MAP3K9: variants seen among roughly 807,000 people sequenced by gnomAD.
The protein encoded by MAP3K9 is mitogen-activated protein kinase kinase kinase 9, also known as mixed lineage kinase 1 (tyr and ser/thr specificity).
A neutral mutation model predicts 95.8 loss-of-function variants in MAP3K9; 46 were observed. The ratio of observed to expected loss-of-function variants is 0.48; its 90% confidence interval spans 0.38 to 0.61. The LOEUF (loss-of-function observed/expected upper bound fraction) is 0.61, where lower values mean the gene tolerates loss of function less well. Among genes scored for constraint, MAP3K9 ranks in the 20% least tolerant of loss-of-function variants. The pLI, the probability that MAP3K9 is intolerant of heterozygous loss-of-function variation, is 0.00. For missense variants in MAP3K9, 1,296 were observed against 1,474.3 expected (o/e 0.88, Z 1.98); for synonymous variants, 533 against 593.8 (o/e 0.90, Z 1.49).
Position 70,730,651 on chromosome 14 carries a change from G to A in MAP3K9, c.3044C>T (p.Ala1015Val). 6.2e-7 allele frequency: 1 copy of A among 1,613,774 alleles called. No individual in the cohort carries two copies. The highest frequency in any genetic ancestry group is 8.5e-7 in the Non-Finnish European group (1 of 1,180,044). The part of the protein sequence containing the change: ...DPWWFVSPSH[A>V]RSTSPANSSS... ...GCTGTTGGCTGGGGAGGTGCTGCGG[G>A]CATGGCTGGGGGACACAAACCACCA... is the stretch of plus-strand genomic sequence containing the variant. The change falls in exon 12 of 12, where the codon GCC (alanine) becomes GTC (valine). Residue 1015 changes from alanine to valine, a missense_variant. Physicochemically the swap from Ala to Val is moderately conservative, Grantham distance 64. Around this residue, in one of 5 missense-constraint regions of MAP3K9, gnomAD observed 433 missense variants for 441.4 expected, o/e 0.98. Transcript: ENST00000554752.
chr14:70,779,994 G>A (rs1439757026), intron 2 of MAP3K9, among the ~76,000 whole-genome samples: 1 of 152,234 alleles, frequency 6.6e-6, no homozygotes, highest in African/African-American at 2.4e-5. Context: ...CCTTCAGACA[G>A]GCACCCAGGC....
chr14:70,766,454 A>C (rs1437539305), intron 2 of MAP3K9, among the ~76,000 whole-genome samples: 1 of 152,210 alleles, frequency 6.6e-6, no homozygotes, highest in Non-Finnish European at 1.5e-5. Context: ...AGGGACTGAT[A>C]TGGAAGGCCT....
chr14:70,748,295 GGCCACCAAAACAAAAAA>G (rs1008644735), intron 5 of MAP3K9, among the ~76,000 whole-genome samples: 13 of 152,186 alleles, frequency 8.5e-5, no homozygotes, highest in African/African-American at 3.1e-4. Flanking sequence ...TTTAGGGAAT[GGCCACCAAAACAAAAAA>G]GCAGATCTCT....
At chr14:70,775,605 A>T (rs2054587530) in intron 2 of MAP3K9, among the ~76,000 whole-genome samples, 1 of 152,220 alleles carries the variant, frequency 6.6e-6, no homozygotes, top group Admixed American at 6.5e-5. Context: ...ACACTACTGA[A>T]CACAGAGCCC....
Position 70,726,451 on chromosome 14 carries a change from A to T in MAP3K9, c.*3929T>A, listed in dbSNP as rs1209848793. ...GACCCCAAGAAATGAGAGACAGCCA[A>T]CTGTCACTCTGATGTTGCTACCAAC... is the stretch of plus-strand genomic sequence containing the variant. On this transcript the variant is annotated 3_prime_UTR_variant, in exon 12 of 12. Coordinates refer to ENST00000554752, the MANE Select transcript of MAP3K9 (RefSeq NM_001284230.2). 2 of 152,222 alleles carry T rather than the reference A, an allele frequency of 1.3e-5. No individual in the cohort carries two copies. Among genetic ancestry groups the T allele is most frequent in the African/African-American group, 4.8e-5 (2 of 41,454 alleles). 9.4% of individuals were successfully genotyped at this position (152,222 alleles called of 1,614,324 possible).
rs1343585173 is a variant in MAP3K9 at position 70,783,471 on chromosome 14, C to A, written c.820+17196G>T. 11 of 901,542 alleles carry A rather than the reference C, an allele frequency of 1.2e-5. No individual in the cohort carries two copies. In the Admixed American group the frequency reaches 2.5e-4, roughly 20 times the overall value. 55.8% of individuals were successfully genotyped at this position (901,542 alleles called of 1,614,324 possible). ...AGCTCCTGAAGGATTCACTCTTTGT[C>A]CCCTCCCCTTTCCTCCCATCACAAA... On this transcript the variant is annotated intron_variant, in intron 2 of 11. Coordinates refer to ENST00000554752, the MANE Select transcript of MAP3K9 (RefSeq NM_001284230.2).
At chr14:70,795,837 C>T (rs1221790485) in intron 2 of MAP3K9, among the ~76,000 whole-genome samples, 2 of 151,848 alleles carry the variant, frequency 1.3e-5, no homozygotes, top group Non-Finnish European at 2.9e-5. Flanking sequence ...TAGCTCACCG[C>T]AATCTCTGCC....
In MAP3K9 at chr14:70,758,440, T is replaced by C. The variant is rs141939509; in HGVS notation, c.1001+2562A>G. Among the ~76,000 whole-genome samples the C allele has an allele frequency of 1.2e-4, 18 of 152,338 alleles. 1 individual carries two copies. In the East Asian group the frequency reaches 3.3e-3, roughly 28 times the overall value. The stretch of plus-strand genomic sequence containing the variant: ...TGGTGAAATTGGAACATTCATACAT[T>C]GCTAACGGGAATATAATAAAATGGT... On this transcript the variant is annotated intron_variant, in intron 3 of 11. Coordinates refer to ENST00000554752, the MANE Select transcript of MAP3K9 (RefSeq NM_001284230.2).
intron 2 of MAP3K9, among the ~76,000 whole-genome samples, chr14:70,796,693 C>T (rs1362706394): frequency 6.6e-6 from 1 of 152,208 alleles, no homozygotes; most frequent in Non-Finnish European, 1.5e-5. Context: ...ACATGGGGCA[C>T]CTTTTCTGTG....
At chr14:70,761,718 C>T (rs1270832339) in intron 2 of MAP3K9, among the ~76,000 whole-genome samples, 1 of 152,230 alleles carries the variant, frequency 6.6e-6, no homozygotes, top group Non-Finnish European at 1.5e-5. Flanking sequence ...AGCACCAAAG[C>T]TTGTGAAAGC....
intron 5 of MAP3K9, among the ~76,000 whole-genome samples, chr14:70,746,686 CATTAA>C (rs2054151802): frequency 6.6e-6 from 1 of 152,186 alleles, no homozygotes; most frequent in Admixed American, 6.5e-5. Flanking sequence ...ATTATTATCT[CATTAA>C]ATAAGATAAT....
intron 1 of MAP3K9, among the ~76,000 whole-genome samples, 199 bp downstream of exon 1, chr14:70,808,567 C>T (rs1364424690): frequency 6.6e-6 from 1 of 152,186 alleles, no homozygotes; most frequent in East Asian, 1.9e-4. Context: ...GTCTGAAGTG[C>T]GGGCAGGGCC....
In MAP3K9 at chr14:70,735,086, A is replaced by G. The variant is rs1364873486; in HGVS notation, c.1914-588T>C. On this transcript the variant is annotated intron_variant, in intron 9 of 11. Coordinates refer to ENST00000554752, the MANE Select transcript of MAP3K9 (RefSeq NM_001284230.2). ...ACCCAGTGCACTGTGGGACAGACCTACGTGGGTAGTGCACAGTGCTGAAGC... is the reference window on the plus strand; with the variant it reads ...ACCCAGTGCACTGTGGGACAGACCTGCGTGGGTAGTGCACAGTGCTGAAGC... Among the ~76,000 whole-genome samples the G allele has an allele frequency of 2.0e-5, 3 of 152,194 alleles. No homozygotes were observed. In the East Asian group the frequency reaches 5.8e-4, roughly 29 times the overall value.
At chr14:70,740,565 A>T (rs2054055857) in intron 6 of MAP3K9, among the ~76,000 whole-genome samples, 1 of 152,230 alleles carries the variant, frequency 6.6e-6, no homozygotes, top group Admixed American at 6.5e-5. Flanking sequence ...TCAGGGACTG[A>T]AGCAGGGACA....
At chr14:70,780,167 G>A (rs2054655263) in intron 2 of MAP3K9, among the ~76,000 whole-genome samples, 1 of 152,218 alleles carries the variant, frequency 6.6e-6, no homozygotes, top group African/African-American at 2.4e-5. Flanking sequence ...GACCAGCACT[G>A]GAGAAACAAC....
chr14:70,741,819 C>T (rs965496404), intron 6 of MAP3K9, among the ~76,000 whole-genome samples: 3 of 152,124 alleles, frequency 2.0e-5, no homozygotes, highest in South Asian at 2.1e-4. Flanking sequence ...TGGTGGCATG[C>T]GCCTGTAATC....
chr14:70,724,632 A>G lies in MAP3K9; in HGVS notation c.*5748T>C, dbSNP rs951868477. On this transcript the variant is annotated 3_prime_UTR_variant, in exon 12 of 12. Transcript: ENST00000554752. The stretch of plus-strand genomic sequence containing the variant: ...GTTATTGAAAAATTCCACGATGAAT[A>G]CAGTATCAAAATTTTAAGTCAGGCT... 6.6e-6 allele frequency: 1 copy of G among 152,212 alleles called. No homozygotes were observed. Among genetic ancestry groups the G allele is most frequent in the Non-Finnish European group, 1.5e-5 (1 of 68,044 alleles). 9.4% of individuals were successfully genotyped at this position (152,212 alleles called of 1,614,324 possible).
chr14:70,737,048 G>A (rs1048907597), intron 8 of MAP3K9, among the ~76,000 whole-genome samples: 6 of 152,174 alleles, frequency 3.9e-5, no homozygotes, highest in African/African-American at 1.4e-4. Flanking sequence ...AACCTGAGAA[G>A]CTCTTTAGAA....
intron 2 of MAP3K9, among the ~76,000 whole-genome samples, chr14:70,798,852 G>C (rs552258204): frequency 1.4e-3 from 209 of 152,232 alleles, no homozygotes; most frequent in East Asian, 0.012. Flanking sequence ...ATGATAAAGA[G>C]ACAGGAAAAT....
Sources: allele counts gnomAD v4.1 joint callset (sites outside exome capture counted in the v4.1 genomes callset), GRCh38; gene constraint gnomAD v4.1.1; regional missense constraint gnomAD v4.1.1; transcripts MANE v1.5; gene names NCBI Gene and HGNC (gene_info 2026-07-23, HGNC 2026-07-21).